Variants in GABRR2 observed in about 807,000 individuals in gnomAD.
GABRR2 encodes the protein gamma-aminobutyric acid type A receptor subunit rho2.
Under a neutral mutation model 47.0 loss-of-function variants are expected in GABRR2, and 36 were observed. That is an observed-to-expected ratio of 0.77 (90% CI 0.59 to 1.01). The LOEUF is 1.01. GABRR2 is among the 50% of genes least tolerant of loss of function. GABRR2 has a pLI of 0.00. For missense variants in GABRR2, 587 were observed against 594.6 expected (o/e 0.99, Z 0.13); for synonymous variants, 204 against 227.5 (o/e 0.90, Z 0.93).
chr6:89,302,223 C>T (rs530919283), intron 1 of GABRR2: 17 of 567,626 alleles, frequency 3.0e-5, no homozygotes, highest in Middle Eastern at 3.3e-4. Flanking sequence ...GGTATGGGCA[C>T]GCTGCTCATC....
intron 2 of GABRR2, among the ~76,000 whole-genome samples, chr6:89,285,549 G>A (rs1774319847): frequency 6.6e-6 from 1 of 152,028 alleles, no homozygotes; most frequent in Non-Finnish European, 1.5e-5. Context: ...ACCATCACCC[G>A]GGCACTTAGA....
At chr6:89,278,004 C>A (rs898141975) in intron 2 of GABRR2, among the ~76,000 whole-genome samples, 3 of 152,140 alleles carry the variant, frequency 2.0e-5, no homozygotes, top group African/African-American at 7.2e-5. Context: ...AAGACATACA[C>A]AAAAATATTC....
At chr6:89,262,303 A>C (rs1773767439) in intron 8 of GABRR2, among the ~76,000 whole-genome samples, 1 of 152,208 alleles carries the variant, frequency 6.6e-6, no homozygotes, top group Admixed American at 6.5e-5. Flanking sequence ...CATGGGTTGT[A>C]TGTTACATGC....
intron 7 of GABRR2, among the ~76,000 whole-genome samples, chr6:89,264,980 C>T (rs1317912823): frequency 6.6e-6 from 1 of 152,084 alleles, no homozygotes; most frequent in Admixed American, 6.5e-5. Context: ...AGTTTGAGAA[C>T]GTGCCTTCAG....
At chr6:89,292,803 TCGTATATAC>T (rs1458285404) in intron 2 of GABRR2, among the ~76,000 whole-genome samples, 1 of 22,190 alleles carries the variant, frequency 4.5e-5, no homozygotes, top group Admixed American at 5.6e-4. Context: ...ATCGTATATA[TCGTATATAC>T]GATATATCGT....
At chr6:89,306,792 A>AT (rs1491208719) in intron 1 of GABRR2, among the ~76,000 whole-genome samples, 3 of 150,474 alleles carry the variant, frequency 2.0e-5, no homozygotes, top group Non-Finnish European at 4.4e-5. Flanking sequence ...ACAAAAAAAA[A>AT]GAGAGAGAAA....
At chr6:89,283,444 A>T (rs1461007723) in intron 2 of GABRR2, among the ~76,000 whole-genome samples, 1 of 152,192 alleles carries the variant, frequency 6.6e-6, no homozygotes, top group Non-Finnish European at 1.5e-5. Context: ...GGAATAATAA[A>T]CCATTAAAAA....
chr6:89,290,768 C>T (rs1436944117), intron 2 of GABRR2, among the ~76,000 whole-genome samples: 1 of 152,222 alleles, frequency 6.6e-6, no homozygotes, highest in Non-Finnish European at 1.5e-5. Flanking sequence ...GGAATGGCTT[C>T]TCCTGCATCG....
chr6:89,314,093 G>A (rs541868551), intron 1 of GABRR2, among the ~76,000 whole-genome samples: 1 of 148,316 alleles, frequency 6.7e-6, no homozygotes, highest in East Asian at 2.0e-4. Flanking sequence ...GCACATGTAT[G>A]TGATTTGTAA....
chr6:89,265,718 A>T lies in GABRR2; in HGVS notation c.784T>A (p.Phe262Ile). 1 of 1,614,126 alleles carries T rather than the reference A, an allele frequency of 6.2e-7. No individual in the cohort carries two copies. The highest frequency in any genetic ancestry group is 8.5e-7 in the Non-Finnish European group (1 of 1,180,010). ...AAATATGTTTGGAGCAAGAAGAAGAAGATGTGGCGACGCAACGTGAAGTTA... is the reference window on the plus strand; with the variant it reads ...AAATATGTTTGGAGCAAGAAGAAGATGATGTGGCGACGCAACGTGAAGTTA... ...YINFTLRRHI[F>I]FFLLQTYFPA... Residue 262 changes from phenylalanine to isoleucine, a missense_variant, in exon 7 of 9, where the codon TTC (phenylalanine) becomes ATC (isoleucine). By Grantham distance (21) the Phe-to-Ile change is conservative (BLOSUM62 0). Transcript: ENST00000402938.
intron 1 of GABRR2, chr6:89,301,832 G>A: frequency 9.5e-7 from 1 of 1,049,686 alleles, no homozygotes; most frequent in Non-Finnish European, 1.5e-6. Context: ...AACTAGATCG[G>A]GGCCAAGTTC....
chr6:89,296,416 T>A (rs2127846049), intron 2 of GABRR2, among the ~76,000 whole-genome samples: 1 of 152,326 alleles, frequency 6.6e-6, no homozygotes, highest in African/African-American at 2.4e-5. Context: ...CCAAGTGACA[T>A]CTGGGCATCC....
intron 6 of GABRR2, among the ~76,000 whole-genome samples, chr6:89,267,065 T>G (rs1166657514): frequency 5.5e-5 from 8 of 146,294 alleles, no homozygotes; most frequent in Non-Finnish European, 4.5e-5. Context: ...AGTGGCGCAA[T>G]CTCAGCTCAC....
chr6:89,291,321 A>G (rs562357129), intron 2 of GABRR2, among the ~76,000 whole-genome samples: 3 of 152,186 alleles, frequency 2.0e-5, no homozygotes, highest in African/African-American at 7.2e-5. Flanking sequence ...ACAGGCCCAC[A>G]GTGAGCTTCC....
At chr6:89,267,468 G>A (rs1227322407) in intron 6 of GABRR2, among the ~76,000 whole-genome samples, 2 of 152,212 alleles carry the variant, frequency 1.3e-5, no homozygotes, top group Non-Finnish European at 2.9e-5. Flanking sequence ...TCAGGAGGCT[G>A]ACGTGGGAGG....
chr6:89,263,236 T>C (rs1241459602), intron 8 of GABRR2, among the ~76,000 whole-genome samples: 1 of 152,238 alleles, frequency 6.6e-6, no homozygotes, highest in Non-Finnish European at 1.5e-5. Flanking sequence ...ATTGTAAAGA[T>C]ATTTTCTCTT....
At position 89,268,133 on chromosome 6, in the gene GABRR2, G is replaced by C. The variant is rs200520732; in HGVS notation, c.513-37C>G. On this transcript the variant is annotated intron_variant, in intron 4 of 8. Coordinates refer to ENST00000402938, the MANE Select transcript of GABRR2 (RefSeq NM_002043.5). ...AGAGTCACATATTGGCTTGTGCGGT[G>C]AATTATTGGCTCCTACATCTGCCCA... 1.3e-4 allele frequency: 197 copies of C among 1,498,312 alleles called. No homozygotes were observed. In the African/African-American group the frequency reaches 2.4e-3, roughly 18 times the overall value. The allele number at this position is 1,498,312 out of a possible 1,614,324, so 92.8% of individuals were successfully genotyped here.
At chr6:89,309,843 T>C (rs994793956) in intron 1 of GABRR2, among the ~76,000 whole-genome samples, 4 of 152,034 alleles carry the variant, frequency 2.6e-5, no homozygotes, top group Non-Finnish European at 4.4e-5. Flanking sequence ...AGTTGTGCAA[T>C]TGTAGCTCAC....
In GABRR2 at chr6:89,264,424, C is replaced by T. The variant is rs149904468; in HGVS notation, c.1074G>A (p.Lys358=). ...LTTVQERKER[K]LREKFPCMCG... is the part of the protein sequence containing the mutation. ...GAAGCCCTCTCACCTTCTCCCGCAG[C>T]TTCCGTTCCTTGCGCTCCTGCACGG... The change falls in exon 8 of 9, where the codon AAG becomes AAA. Residue 358 remains lysine (K), a synonymous_variant. Transcript: ENST00000402938. The T allele has an allele frequency of 1.7e-5, 28 of 1,613,662 alleles. No homozygotes were observed. Among genetic ancestry groups the T allele is most frequent in the Admixed American group, 6.7e-5 (4 of 59,940 alleles).
Sources: allele counts gnomAD v4.1 joint callset (sites outside exome capture counted in the v4.1 genomes callset), GRCh38; gene constraint gnomAD v4.1.1; transcripts MANE v1.5; gene names NCBI Gene and HGNC (gene_info 2026-07-23, HGNC 2026-07-21).